Variants in HIF3A observed in about 807,000 individuals in gnomAD.
The protein encoded by HIF3A is hypoxia-inducible factor 3-alpha.
HIF3A carries 41 observed loss-of-function variants against 67.2 expected under a neutral mutation model. That is an observed-to-expected ratio of 0.61 (90% confidence interval 0.48 to 0.79). The LOEUF (loss-of-function observed/expected upper bound fraction) is 0.79, where lower values mean the gene tolerates loss of function less well. HIF3A is among the 30% of genes least tolerant of loss of function. The pLI is 0.00. For synonymous variants in HIF3A, 356 were observed against 374.8 expected (o/e 0.95, Z 0.58); for missense variants, 855 against 898.0 (o/e 0.95, Z 0.61).
chr19:46,311,432 G>GAA (rs1458264231), intron 6 of HIF3A, among the ~76,000 whole-genome samples: 2 of 152,162 alleles, frequency 1.3e-5, no homozygotes, highest in Non-Finnish European at 2.9e-5. Flanking sequence ...CTTAAAGAAA[G>GAA]AAAAAGAAAT....
At chr19:46,324,180 T>C (rs76789866) in intron 10 of HIF3A, among the ~76,000 whole-genome samples, 6,239 of 152,314 alleles carry the variant, frequency 0.041, 194 homozygotes, top group East Asian at 0.13. Context: ...AAGCAAGTTC[T>C]TGAGGCCTTA....
At chr19:46,305,012 C>A in intron 2 of HIF3A, 3 of 656,866 alleles carry the variant, frequency 4.6e-6, no homozygotes, top group South Asian at 3.2e-5. Context: ...TTGGGAGACT[C>A]CTACTTCCTT....
At chr19:46,317,836 T>A (rs1274274802) in intron 8 of HIF3A, among the ~76,000 whole-genome samples, 3 of 149,874 alleles carry the variant, frequency 2.0e-5, no homozygotes, top group African/African-American at 7.4e-5. Context: ...TACCACTATC[T>A]TTTTTTTTTC....
chr19:46,301,651 C>A (rs1601185500), intron 1 of HIF3A, among the ~76,000 whole-genome samples: 1 of 151,896 alleles, frequency 6.6e-6, no homozygotes, highest in South Asian at 2.1e-4. Flanking sequence ...CATAGCGAAA[C>A]CCCGTCTCTA....
intron 8 of HIF3A, among the ~76,000 whole-genome samples, chr19:46,317,408 TC>T (rs1970004210): frequency 1.3e-5 from 2 of 152,086 alleles, no homozygotes; most frequent in Admixed American, 1.3e-4. Flanking sequence ...CTTCTGAAGC[TC>T]CCCAGTATCC....
chr19:46,342,133 G>A lies in HIF3A; in HGVS notation c.*2511G>A, dbSNP rs1971956174. 1 of 152,168 alleles carries A rather than the reference G, an allele frequency of 6.6e-6. No individual in the cohort carries two copies. Among genetic ancestry groups the A allele is most frequent in the Non-Finnish European group, 1.5e-5 (1 of 68,036 alleles). 9.4% of individuals were successfully genotyped at this position (152,168 alleles called of 1,614,324 possible). ...CTCTGGTTCTAGAACTGACTTACAA[G>A]TGCCTTCTGATTCTAGACCTCATTC... is the stretch of plus-strand genomic sequence containing the variant. On this transcript the variant is annotated 3_prime_UTR_variant, in exon 15 of 15. Transcript: ENST00000377670.
chr19:46,340,185 T>G lies in HIF3A; in HGVS notation c.*563T>G, dbSNP rs1223832059. Reference sequence around the variant, plus strand: ...GTGCGGAGAGGCTCTGGGCCAGACCTCACCCCCAGTGACTTCCGATTGAGG... The same window carrying G: ...GTGCGGAGAGGCTCTGGGCCAGACCGCACCCCCAGTGACTTCCGATTGAGG... On this transcript the variant is annotated 3_prime_UTR_variant, in exon 15 of 15. Transcript: ENST00000377670. 2.0e-5 allele frequency: 3 copies of G among 152,392 alleles called. No individual in the cohort carries two copies. In the East Asian group the frequency reaches 5.8e-4, roughly 29 times the overall value. The allele number at this position is 152,392 out of a possible 1,614,324, so 9.4% of individuals were successfully genotyped here. A position where few individuals can be genotyped will look rare whatever the true frequency, so the allele number is the denominator to read the frequency against.
chr19:46,334,844 C>T (rs940400359), intron 13 of HIF3A, 61 bp from the exon 14 acceptor site: 27 of 1,412,946 alleles, frequency 1.9e-5, no homozygotes, highest in Admixed American at 8.8e-5. Flanking sequence ...TCACCACTCC[C>T]GGCTGTTCCT....
intron 8 of HIF3A, chr19:46,312,882 A>ATTTTTTTTTTTTTT (rs531816670): frequency 1.6e-5 from 14 of 879,284 alleles, no homozygotes; most frequent in Non-Finnish European, 1.7e-5. Context: ...TAGACTGTTA[A>ATTTTTTTTTTTTTT]TTTTTTTTTT....
chr19:46,317,695 G>A (rs562024514), intron 8 of HIF3A, among the ~76,000 whole-genome samples: 92 of 152,156 alleles, frequency 6.0e-4, no homozygotes, highest in Non-Finnish European at 1.1e-3. Context: ...CTGGTGTCCT[G>A]TACTTTTGCA....
At chr19:46,333,307 T>C (rs1307560112) in intron 13 of HIF3A, among the ~76,000 whole-genome samples, 1 of 151,932 alleles carries the variant, frequency 6.6e-6, no homozygotes, top group African/African-American at 2.4e-5. Flanking sequence ...GTTAACATAG[T>C]GTAGGGAAAT....
chr19:46,323,867 A>G (rs538983760), intron 10 of HIF3A, among the ~76,000 whole-genome samples: 11 of 152,270 alleles, frequency 7.2e-5, no homozygotes, highest in African/African-American at 2.6e-4. Flanking sequence ...CGAGGACAGT[A>G]TGGGAGAGAC....
chr19:46,315,295 G>A lies in HIF3A; in HGVS notation c.1025+2642G>A, dbSNP rs185097497. ...TTGGCCAGGCTGGTCTCGAACTCCT[G>A]ACCTCAGGTGATCCTCCTGCCTCAG... On this transcript the variant is annotated intron_variant, in intron 8 of 14. Transcript: ENST00000377670. 2.2e-3 allele frequency among the ~76,000 whole-genome samples: 323 copies of A among 146,282 alleles called. 24 individuals carry two copies. Among genetic ancestry groups the A allele is most frequent in the African/African-American group, 7.6e-3 (308 of 40,358 alleles).
chr19:46,321,783 T>C lies in HIF3A; in HGVS notation c.1152T>C (p.Pro384=), dbSNP rs780337334. The change falls in exon 10 of 15, where the codon CCT becomes CCC. Residue 384 remains proline (P), a synonymous_variant. Transcript: ENST00000377670. ...TPNPGDSLDT[P]GPRILAFLHP... is the part of the protein sequence containing the mutation. ...TCTCCATGTGTCCTGCAGACACCCC[T>C]GGCCCCCGGATCCTTGCCTTCCTGC... 6.2e-7 allele frequency: 1 copy of C among 1,613,288 alleles called. No homozygotes were observed. Among genetic ancestry groups the C allele is most frequent in the African/African-American group, 1.3e-5 (1 of 75,008 alleles).
chr19:46,312,664 G>C lies in HIF3A; in HGVS notation c.1025+11G>C. The C allele has an allele frequency of 1.3e-6, 2 of 1,546,858 alleles. No homozygotes were observed. The highest frequency in any genetic ancestry group is 8.7e-7 in the Non-Finnish European group (1 of 1,145,184). ...CCATTTTTTAATCAGGTAAGCAGGA[G>C]GAGGGGCTGGGGTGGCTGTGTGTGG... On this transcript the variant is annotated intron_variant, in intron 8 of 14. Transcript: ENST00000377670.
intron 2 of HIF3A, among the ~76,000 whole-genome samples, chr19:46,304,446 G>T (rs1376386869): frequency 1.3e-5 from 2 of 152,124 alleles, no homozygotes; most frequent in African/African-American, 2.4e-5. Flanking sequence ...ATAGGCCCTG[G>T]TCTCTCATAA....
At chr19:46,303,669 T>C (rs746143664) in intron 1 of HIF3A, 23 of 1,587,344 alleles carry the variant, frequency 1.4e-5, no homozygotes, top group African/African-American at 5.4e-5. Flanking sequence ...AGAGGCACCA[T>C]GGACTGGCAA....
At chr19:46,299,931 C>T (rs990987521) in intron 1 of HIF3A, among the ~76,000 whole-genome samples, 2 of 152,072 alleles carry the variant, frequency 1.3e-5, no homozygotes, top group Non-Finnish European at 1.5e-5. Flanking sequence ...AGTTTCATCA[C>T]CTCTTTGGGC....
chr19:46,309,068 G>A (rs1387183436), intron 5 of HIF3A, 83 bp from the exon 6 acceptor site: 1 of 1,151,498 alleles, frequency 8.7e-7, no homozygotes, highest in Non-Finnish European at 1.2e-6. Flanking sequence ...TCCCTGATGG[G>A]CCCTCAGGAC....
Sources: gnomAD v4.1 joint callset for allele counts (sites outside exome capture counted in the v4.1 genomes callset) on GRCh38, gnomAD v4.1.1 for gene constraint, MANE v1.5 for transcripts, NCBI Gene and HGNC (gene_info 2026-07-23, HGNC 2026-07-21) for gene names.